NEMP2: variants seen among roughly 807,000 people sequenced by gnomAD.
NEMP2 encodes nuclear envelope integral membrane protein 2.
Under a neutral mutation model 54.2 loss-of-function variants are expected in NEMP2, and 53 were observed. That is an observed-to-expected ratio of 0.98 (90% CI 0.78 to 1.23). NEMP2 has a LOEUF of 1.23. Ranked by LOEUF, NEMP2 falls within the 50% of genes most tolerant of loss-of-function variation. The pLI is 0.00. For synonymous variants in NEMP2, 197 were observed against 190.3 expected (o/e 1.04, Z -0.29); for missense variants, 455 against 511.3 (o/e 0.89, Z 1.06).
chr2:190,537,459 A>G (rs1029868955), upstream of NEMP2, among the ~76,000 whole-genome samples: 1 of 152,020 alleles, frequency 6.6e-6, no homozygotes, highest in Non-Finnish European at 1.5e-5. Flanking sequence ...TTTCCCCTTC[A>G]CTCAGCACTT....
chr2:190,436,016 G>A, the NEMP2 span: 3 of 1,592,590 alleles, frequency 1.9e-6, no homozygotes, highest in South Asian at 1.1e-5. This position sits in a 1 kb window ranked among gnomAD's most constrained non-coding sequence, Gnocchi z 5.3. Flanking sequence ...ACTTGCTGAT[G>A]GTGGTGGTAA....
chr2:190,514,570 G>A lies in NEMP2; in HGVS notation c.836C>T (p.Ser279Phe). The change falls in exon 7 of 9, where the codon TCC becomes TTC. Residue 279 changes from serine to phenylalanine, a missense_variant. Ser to Phe is a radical substitution (Grantham distance 155, BLOSUM62 -2). Coordinates refer to ENST00000409150, the MANE Select transcript of NEMP2 (RefSeq NM_001142645.2). The surrounding 1 kb of genome is among the most constrained non-coding windows in gnomAD (Gnocchi z 5.7). Reference sequence around the variant, plus strand: ...CACACCAGCATAGACCAGAACCAGGGAGAGGAGTCGCAGCATCCACATCAG... The same window carrying A: ...CACACCAGCATAGACCAGAACCAGGAAGAGGAGTCGCAGCATCCACATCAG... Reference protein sequence around the residue: ...SLLMWMLRLLSLVLVYAGVAV... With the variant: ...SLLMWMLRLLFLVLVYAGVAV... The A allele has an allele frequency of 6.4e-7, 1 of 1,551,744 alleles. No homozygotes were observed. Among genetic ancestry groups the A allele is most frequent in the Non-Finnish European group, 8.7e-7 (1 of 1,147,000 alleles).
chr2:190,585,421 G>A, the NEMP2 span, among the ~76,000 whole-genome samples: 1 of 152,180 alleles, frequency 6.6e-6, no homozygotes, highest in East Asian at 1.9e-4. The surrounding 1 kb of genome is among the most constrained non-coding windows in gnomAD (Gnocchi z 5.3). Flanking sequence ...CCTCTATGCA[G>A]ATAAGAAACA....
chr2:190,588,837 T>C, the NEMP2 span, among the ~76,000 whole-genome samples: 1 of 152,252 alleles, frequency 6.6e-6, no homozygotes, highest in Admixed American at 6.5e-5. This position sits in a 1 kb window ranked among gnomAD's most constrained non-coding sequence, Gnocchi z 5.0. Flanking sequence ...GCTGATAAAC[T>C]CTGACAAAAT....
the NEMP2 span, among the ~76,000 whole-genome samples, chr2:190,539,941 G>A: frequency 1.3e-5 from 2 of 152,080 alleles, no homozygotes; most frequent in Non-Finnish European, 2.9e-5. This position sits in a 1 kb window ranked among gnomAD's most constrained non-coding sequence, Gnocchi z 4.1. Context: ...CTCTTGCTAG[G>A]ACTTCCAGTA....
At chr2:190,565,684 A>G in the NEMP2 span, among the ~76,000 whole-genome samples, 2 of 152,338 alleles carry the variant, frequency 1.3e-5, no homozygotes, top group South Asian at 4.1e-4. Context: ...TCTCTGTCAT[A>G]GGCTGAATTG....
At chr2:190,427,942 G>C in the NEMP2 span, among the ~76,000 whole-genome samples, 2 of 152,278 alleles carry the variant, frequency 1.3e-5, no homozygotes, top group East Asian at 3.9e-4. Context: ...ACGTTGATCA[G>C]ACTGGTCTCG....
the NEMP2 span, among the ~76,000 whole-genome samples, chr2:190,630,463 A>ACCTG: frequency 6.6e-6 from 1 of 152,036 alleles, no homozygotes. The surrounding 1 kb of genome is among the most constrained non-coding windows in gnomAD (Gnocchi z 5.5). Context: ...TGATCTGCCC[A>ACCTG]CCTCAGCCTC....
In NEMP2 at chr2:190,506,340, T is replaced by G. The variant is rs1253476469; in HGVS notation, c.*2849A>C. On this transcript the variant is annotated 3_prime_UTR_variant, in exon 9 of 9. Coordinates refer to ENST00000409150, the MANE Select transcript of NEMP2 (RefSeq NM_001142645.2). This position sits in a 1 kb window ranked among gnomAD's most constrained non-coding sequence, Gnocchi z 6.3. Reference sequence around the variant, plus strand: ...ATTATGTTGTCTATCTTGCTTTCAGTTGGACAAGAAAAGCTAATTTATAAA... The same window carrying G: ...ATTATGTTGTCTATCTTGCTTTCAGGTGGACAAGAAAAGCTAATTTATAAA... 1 of 152,238 alleles carries G rather than the reference T, an allele frequency of 6.6e-6. No individual in the cohort carries two copies. Among genetic ancestry groups the G allele is most frequent in the Non-Finnish European group, 1.5e-5 (1 of 68,050 alleles). The allele number at this position is 152,238 out of a possible 1,614,324, so 9.4% of individuals were successfully genotyped here.
the NEMP2 span, among the ~76,000 whole-genome samples, chr2:190,570,258 C>T: frequency 6.6e-5 from 10 of 152,280 alleles, no homozygotes; most frequent in Admixed American, 3.9e-4. This position sits in a 1 kb window ranked among gnomAD's most constrained non-coding sequence, Gnocchi z 5.4. Context: ...AGAAAATTTG[C>T]ATATCTTTAA....
chr2:190,600,805 G>T, the NEMP2 span, among the ~76,000 whole-genome samples: 1 of 152,070 alleles, frequency 6.6e-6, no homozygotes. The surrounding 1 kb of genome is among the most constrained non-coding windows in gnomAD (Gnocchi z 4.9). Context: ...CTCAGCCTCA[G>T]GTATTCTGTT....
chr2:190,579,384 A>G, the NEMP2 span, among the ~76,000 whole-genome samples: 3 of 135,436 alleles, frequency 2.2e-5, no homozygotes, highest in Non-Finnish European at 1.6e-5. Flanking sequence ...TATGTGTCAT[A>G]TTATTCTACA....
At chr2:190,461,109 A>G in the NEMP2 span, among the ~76,000 whole-genome samples, 1 of 152,254 alleles carries the variant, frequency 6.6e-6, no homozygotes, top group East Asian at 1.9e-4. The surrounding 1 kb of genome is among the most constrained non-coding windows in gnomAD (Gnocchi z 5.5). Flanking sequence ...TTCAAAAGAA[A>G]GGAATAATTT....
chr2:190,519,603 C>T lies in NEMP2; in HGVS notation c.214-420G>A, dbSNP rs181051973. ...CAGCTGAAAAAAGAATACTCAAATG[C>T]GCAGGGTAGAGTTCTATGTTCTGAT... On this transcript the variant is annotated intron_variant, in intron 2 of 8. Transcript: ENST00000409150. The surrounding 1 kb of genome is among the most constrained non-coding windows in gnomAD (Gnocchi z 5.4). 1.4e-4 allele frequency among the ~76,000 whole-genome samples: 22 copies of T among 152,242 alleles called. No individual in the cohort carries two copies. The highest frequency in any genetic ancestry group is 4.3e-4 in the African/African-American group (18 of 41,542).
chr2:190,532,788 G>A lies in NEMP2; in HGVS notation c.97+1771C>T, dbSNP rs376125140. ...TTTAAAGAGCAGCTATGGTTCTTAA[G>A]CCTAGTCTAATCCAGGGCTGCCAAC... On this transcript the variant is annotated intron_variant, in intron 1 of 8. Transcript: ENST00000409150. 2.8e-4 allele frequency among the ~76,000 whole-genome samples: 42 copies of A among 152,332 alleles called. No homozygotes were observed. The East Asian group carries it at 3.5e-3, about 13-fold the overall frequency.
Position 190,523,233 on chromosome 2 carries a change from C to T in NEMP2, c.213+2030G>A, listed in dbSNP as rs1574307549. On this transcript the variant is annotated intron_variant, in intron 2 of 8. Coordinates refer to ENST00000409150, the MANE Select transcript of NEMP2 (RefSeq NM_001142645.2). The surrounding 1 kb of genome is among the most constrained non-coding windows in gnomAD (Gnocchi z 5.3). ...GGGGGAGTGGATTGGGATGAATTAACCTAAAATACACAACCTCCGAAAAAG... is the reference window on the plus strand; with the variant it reads ...GGGGGAGTGGATTGGGATGAATTAATCTAAAATACACAACCTCCGAAAAAG... 1.3e-5 allele frequency among the ~76,000 whole-genome samples: 2 copies of T among 152,014 alleles called. No homozygotes were observed. Among genetic ancestry groups the T allele is most frequent in the South Asian group, 4.2e-4 (2 of 4,808 alleles).
chr2:190,469,867 G>T, the NEMP2 span: 12 of 1,561,812 alleles, frequency 7.7e-6, no homozygotes, highest in East Asian at 2.5e-4. The surrounding 1 kb of genome is among the most constrained non-coding windows in gnomAD (Gnocchi z 5.3). Flanking sequence ...TAAGTTAACA[G>T]CTGGGATTGA....
At chr2:190,582,502 G>C in the NEMP2 span, among the ~76,000 whole-genome samples, 3 of 152,048 alleles carry the variant, frequency 2.0e-5, no homozygotes, top group African/African-American at 4.8e-5. The surrounding 1 kb of genome is among the most constrained non-coding windows in gnomAD (Gnocchi z 4.6). Flanking sequence ...ATGATGTAAG[G>C]CTTTCTTAGA....
the NEMP2 span, chr2:190,437,022 C>A: frequency 1.9e-6 from 3 of 1,614,090 alleles, no homozygotes; most frequent in Admixed American, 1.7e-5. The surrounding 1 kb of genome is among the most constrained non-coding windows in gnomAD (Gnocchi z 5.9). Flanking sequence ...GCATGTGGGG[C>A]TCCCTGGGCT....
Sources: allele counts gnomAD v4.1 joint callset (sites outside exome capture counted in the v4.1 genomes callset), GRCh38; gene constraint gnomAD v4.1.1; non-coding constraint Gnocchi (gnomAD v3.1); transcripts MANE v1.5; gene names NCBI Gene and HGNC (gene_info 2026-07-23, HGNC 2026-07-21).